Variants in TENM2 observed in about 807,000 individuals in gnomAD.
TENM2 encodes the protein teneurin-2.
A neutral mutation model predicts 245.2 loss-of-function variants in TENM2; 52 were observed. That is an observed-to-expected ratio of 0.21 (90% CI 0.17 to 0.27). The LOEUF (loss-of-function observed/expected upper bound fraction) is 0.27, where lower values mean the gene tolerates loss of function less well. TENM2 is among the 10% of genes least tolerant of loss of function. TENM2 has a pLI of 1.00. For missense variants in TENM2, 3,046 were observed against 3,666.8 expected (o/e 0.83, Z 4.37); for synonymous variants, 1,363 against 1,438.9 (o/e 0.95, Z 1.19).
chr5:167,130,550 C>G, the TENM2 span, among the ~76,000 whole-genome samples: 1 of 152,204 alleles, frequency 6.6e-6, no homozygotes, highest in East Asian at 1.9e-4. Context: ...TCCACGCTCT[C>G]AAGCCTAAAG....
intron 4 of TENM2, among the ~76,000 whole-genome samples, chr5:167,977,303 C>T (rs1782512641): frequency 6.6e-6 from 1 of 152,066 alleles, no homozygotes; most frequent in African/African-American, 2.4e-5. Flanking sequence ...AACAAACCTA[C>T]ACATGTACCC....
rs968745024 is a variant in TENM2, at chr5:167,786,425, A to G, written c.503-89561A>G. Among the ~76,000 whole-genome samples, 5 of 152,244 alleles carry G rather than the reference A, an allele frequency of 3.3e-5. No individual in the cohort carries two copies. In the East Asian group the frequency reaches 5.8e-4, roughly 18 times the overall value. On this transcript the variant is annotated intron_variant, in intron 2 of 28. Coordinates refer to ENST00000518659, the Ensembl canonical transcript of TENM2. ...GAAGACCCTCCATTGTAATGACAAG[A>G]TAAGTTCCAGTATGCCTAGACTTAC...
the TENM2 span, among the ~76,000 whole-genome samples, chr5:167,051,264 G>T: frequency 6.6e-6 from 1 of 151,138 alleles, no homozygotes; most frequent in African/African-American, 2.4e-5. Context: ...GGATTCAAAT[G>T]TCATCTTTGC....
chr5:168,255,670 T>A lies in TENM2; in HGVS notation c.7433-4613T>A, dbSNP rs6887462. 9.3e-3 allele frequency among the ~76,000 whole-genome samples: 1,411 copies of A among 152,258 alleles called. 24 individuals carry two copies. The highest frequency in any genetic ancestry group is 0.032 in the African/African-American group (1,348 of 41,568). On this transcript the variant is annotated intron_variant, in intron 27 of 28. Coordinates refer to ENST00000518659, the Ensembl canonical transcript of TENM2. ...GGTCTAAGTCTCCCTCAGTGGCAGG[T>A]AACAAAATCAAGTACTCTAATTTAA...
chr5:168,030,158 CTTTTTTTTTTT>C lies in TENM2; in HGVS notation c.1187-17250_1187-17240del, dbSNP rs540326142. ...CTTTGGCCCAAGTCTGGTTCTGGCT[CTTTTTTTTTTT>C]TTTTTTTTTTTTTTTTTTCATCTTT... On this transcript the variant is annotated intron_variant, in intron 5 of 28. Coordinates refer to ENST00000518659, the Ensembl canonical transcript of TENM2. Among the ~76,000 whole-genome samples the C allele has an allele frequency of 5.3e-3, 347 of 65,288 alleles. 4 individuals are homozygous for C. The East Asian group carries it at 0.073, about 14-fold the overall frequency. The allele number at this position is 65,288 out of a possible 152,430, so 42.8% of individuals were successfully genotyped here. A position where few individuals can be genotyped will look rare whatever the true frequency, so the allele number is the denominator to read the frequency against.
chr5:167,636,075 GC>G (rs1351725428), intron 2 of TENM2, among the ~76,000 whole-genome samples: 2 of 151,994 alleles, frequency 1.3e-5, no homozygotes, highest in Admixed American at 1.3e-4. Context: ...TATGTTTCTA[GC>G]CTACTTAAAA....
At chr5:167,929,379 T>G (rs1229526061) in intron 3 of TENM2, among the ~76,000 whole-genome samples, 1 of 152,186 alleles carries the variant, frequency 6.6e-6, no homozygotes, top group Admixed American at 6.5e-5. Flanking sequence ...ATTGCCCTAG[T>G]CTAGAAAATT....
chr5:167,244,276 T>C, the TENM2 span, among the ~76,000 whole-genome samples: 1 of 152,208 alleles, frequency 6.6e-6, no homozygotes. Flanking sequence ...ACTATCATAA[T>C]AGTGACAAAC....
chr5:167,176,754 T>C, the TENM2 span, among the ~76,000 whole-genome samples: 1 of 152,210 alleles, frequency 6.6e-6, no homozygotes, highest in East Asian at 1.9e-4. Flanking sequence ...GTGCCTTTTG[T>C]GTAGTTTTAT....
At chr5:167,012,025 G>C in the TENM2 span, among the ~76,000 whole-genome samples, 1 of 151,958 alleles carries the variant, frequency 6.6e-6, no homozygotes, top group Non-Finnish European at 1.5e-5. Context: ...TTCTTCTTAC[G>C]GATTTGTGGC....
Position 167,831,074 on chromosome 5 carries a change from G to A in TENM2, c.503-44912G>A, listed in dbSNP as rs150719685. On this transcript the variant is annotated intron_variant, in intron 2 of 28. Transcript: ENST00000518659. Reference sequence around the variant, plus strand: ...TTCTGTTCTCTCTATGGGAAGTACAGCTCCGTGTTCTTCTGCAGGCTGTCT... The same window carrying A: ...TTCTGTTCTCTCTATGGGAAGTACAACTCCGTGTTCTTCTGCAGGCTGTCT... Among the ~76,000 whole-genome samples the A allele has an allele frequency of 1.8e-3, 273 of 152,220 alleles. 2 individuals carry two copies. Among genetic ancestry groups the A allele is most frequent in the African/African-American group, 6.1e-3 (255 of 41,538 alleles).
At chr5:167,409,199 C>T (rs1268677960) in intron 2 of TENM2, among the ~76,000 whole-genome samples, 1 of 151,774 alleles carries the variant, frequency 6.6e-6, no homozygotes, top group Non-Finnish European at 1.5e-5. Context: ...AGAAACTAAA[C>T]CAATTATAGT....
the TENM2 span, among the ~76,000 whole-genome samples, chr5:167,188,372 T>C: frequency 6.6e-6 from 1 of 152,154 alleles, no homozygotes; most frequent in Non-Finnish European, 1.5e-5. Flanking sequence ...ATTGATGAGA[T>C]AGCACTTCTT....
intron 2 of TENM2, among the ~76,000 whole-genome samples, chr5:167,451,850 A>G (rs1346723049): frequency 6.6e-6 from 1 of 151,926 alleles, no homozygotes; most frequent in African/African-American, 2.4e-5. Context: ...AGGGTTTCAC[A>G]GTGTTAGCCA....
chr5:167,094,811 C>A, the TENM2 span, among the ~76,000 whole-genome samples: 1 of 152,126 alleles, frequency 6.6e-6, no homozygotes. Context: ...TAGTGGATTT[C>A]TCAGGGGCAA....
chr5:168,083,954 G>A (rs957311824), intron 7 of TENM2, among the ~76,000 whole-genome samples: 1 of 152,018 alleles, frequency 6.6e-6, no homozygotes, highest in African/African-American at 2.4e-5. Flanking sequence ...AGTGTCTATT[G>A]TTCCATCTTT....
At chr5:168,099,435 T>G (rs1479168726) in intron 9 of TENM2, among the ~76,000 whole-genome samples, 1 of 152,164 alleles carries the variant, frequency 6.6e-6, no homozygotes, top group Non-Finnish European at 1.5e-5. Flanking sequence ...GGGAGTTACT[T>G]CCTAGGTTTA....
chr5:167,750,529 G>T lies in TENM2; in HGVS notation c.503-125457G>T, dbSNP rs1281972562. ...CATCAGTGATGACCTGGCATTTTCT[G>T]CTGGGGTGATTGGTATACCATAGAA... is the stretch of plus-strand genomic sequence containing the variant. On this transcript the variant is annotated intron_variant, in intron 2 of 28. Coordinates refer to ENST00000518659, the Ensembl canonical transcript of TENM2. 2.6e-5 allele frequency among the ~76,000 whole-genome samples: 4 copies of T among 152,150 alleles called. No homozygotes were observed. In the South Asian group the frequency reaches 6.2e-4, roughly 24 times the overall value.
At chr5:167,526,270 G>A (rs1771102266) in intron 2 of TENM2, among the ~76,000 whole-genome samples, 1 of 151,540 alleles carries the variant, frequency 6.6e-6, no homozygotes, top group Non-Finnish European at 1.5e-5. Flanking sequence ...GGATAATAGA[G>A]GTCATCTCTG....
Sources: gnomAD v4.1 joint callset for allele counts (sites outside exome capture counted in the v4.1 genomes callset) on GRCh38, gnomAD v4.1.1 for gene constraint, MANE v1.5 for transcripts, NCBI Gene and HGNC (gene_info 2026-07-23, HGNC 2026-07-21) for gene names.